The following FARS2 variants were observed in gnomAD, a reference collection of about 807,000 sequenced individuals.
FARS2 encodes the protein phenylalanyl-tRNA synthetase 2, mitochondrial.
FARS2 carries 40 observed loss-of-function variants against 46.4 expected under a neutral mutation model. The ratio of observed to expected loss-of-function variants is 0.86; its 90% confidence interval spans 0.67 to 1.12. The LOEUF (loss-of-function observed/expected upper bound fraction) is 1.12, where lower values mean the gene tolerates loss of function less well. FARS2 is among the 50% of genes most tolerant of loss of function. The pLI, the probability that FARS2 is intolerant of heterozygous loss-of-function variation, is 0.00. For missense variants in FARS2, 513 were observed against 567.9 expected (o/e 0.90, Z 0.98); for synonymous variants, 234 against 214.9 (o/e 1.09, Z -0.78).
chr6:5,288,986 G>C (rs141405077), intron 1 of FARS2, among the ~76,000 whole-genome samples: 1 of 152,120 alleles, frequency 6.6e-6, no homozygotes, highest in Non-Finnish European at 1.5e-5. Flanking sequence ...CTCAACATTA[G>C]AATCATTAAG....
chr6:5,498,127 T>C (rs1561664528), intron 4 of FARS2, among the ~76,000 whole-genome samples: 2 of 152,212 alleles, frequency 1.3e-5, no homozygotes, highest in Admixed American at 6.5e-5. Flanking sequence ...TTGATGTTAC[T>C]TGTGGTTTCA....
chr6:5,728,857 A>G (rs1453180111), intron 6 of FARS2, among the ~76,000 whole-genome samples: 2 of 152,132 alleles, frequency 1.3e-5, no homozygotes, highest in Non-Finnish European at 2.9e-5. Flanking sequence ...CGGCAACCCT[A>G]CGTTGCAGGG....
At chr6:5,746,556 G>C (rs1467915311) in intron 6 of FARS2, among the ~76,000 whole-genome samples, 1 of 151,784 alleles carries the variant, frequency 6.6e-6, no homozygotes, top group Non-Finnish European at 1.5e-5. Flanking sequence ...TCCTTGGGCC[G>C]AGGGCTTCAG....
chr6:5,663,173 C>T (rs111457765), intron 6 of FARS2, among the ~76,000 whole-genome samples: 5,584 of 152,236 alleles, frequency 0.037, 209 homozygotes, highest in African/African-American at 0.097. Context: ...TGAATGTTTA[C>T]ATTCTCATTT....
intron 4 of FARS2, among the ~76,000 whole-genome samples, chr6:5,496,390 A>G (rs1561663271): frequency 1.3e-5 from 2 of 152,188 alleles, no homozygotes; most frequent in African/African-American, 2.4e-5. Flanking sequence ...AGCTTTGGGA[A>G]ATTAGTGAAT....
intron 1 of FARS2, among the ~76,000 whole-genome samples, chr6:5,278,535 A>G (rs73718031): frequency 5.5e-4 from 84 of 152,316 alleles, no homozygotes; most frequent in African/African-American, 1.7e-3. Flanking sequence ...AAGAAGCCTT[A>G]TTTTTATTAG....
At chr6:5,405,477 G>GTTTTTTTTTTTTTTTT (rs1554181324) in intron 3 of FARS2, among the ~76,000 whole-genome samples, 1 of 93,166 alleles carries the variant, frequency 1.1e-5, no homozygotes, top group Non-Finnish European at 2.2e-5. Context: ...GTGGAGCAAG[G>GTTTTTTTTTTTTTTTT]TTCTTTTTTT....
chr6:5,322,641 T>C (rs1375464575), intron 1 of FARS2, among the ~76,000 whole-genome samples: 7 of 152,212 alleles, frequency 4.6e-5, no homozygotes, highest in Non-Finnish European at 1.0e-4. Flanking sequence ...GCTCATCTTC[T>C]TGAGTGGGAC....
intron 1 of FARS2, among the ~76,000 whole-genome samples, chr6:5,266,796 A>G (rs1354279642): frequency 6.6e-6 from 1 of 152,170 alleles, no homozygotes; most frequent in Non-Finnish European, 1.5e-5. Context: ...GGGAATCTCA[A>G]ATGTTGATTT....
intron 2 of FARS2, among the ~76,000 whole-genome samples, chr6:5,394,959 CCT>C (rs1327388207): frequency 2.0e-5 from 3 of 151,996 alleles, no homozygotes; most frequent in African/African-American, 7.2e-5. Flanking sequence ...ACCTTGTAGG[CCT>C]CTCTCTTTTT....
intron 5 of FARS2, among the ~76,000 whole-genome samples, chr6:5,605,853 G>T (rs180860229): frequency 1.2e-3 from 178 of 152,232 alleles, no homozygotes; most frequent in Non-Finnish European, 1.9e-3. Context: ...CAGAAATGAA[G>T]GGTAAGTAGA....
At chr6:5,622,514 T>A (rs535302162) in intron 6 of FARS2, among the ~76,000 whole-genome samples, 4 of 152,192 alleles carry the variant, frequency 2.6e-5, no homozygotes, top group South Asian at 2.1e-4. Context: ...TGGGAAATGA[T>A]TAAGTCATGA....
At chr6:5,709,660 T>A (rs1758985644) in intron 6 of FARS2, among the ~76,000 whole-genome samples, 2 of 147,820 alleles carry the variant, frequency 1.4e-5, no homozygotes, top group Admixed American at 6.8e-5. Context: ...CCCCTGTTGA[T>A]GTTCCAAGAG....
intron 4 of FARS2, among the ~76,000 whole-genome samples, chr6:5,475,180 C>G (rs780395575): frequency 6.6e-6 from 1 of 152,168 alleles, no homozygotes; most frequent in Admixed American, 6.5e-5. Flanking sequence ...TGGCATCTGA[C>G]TTAGTCTTTG....
chr6:5,540,557 G>A (rs1201838720), intron 4 of FARS2, among the ~76,000 whole-genome samples: 3 of 152,312 alleles, frequency 2.0e-5, no homozygotes, highest in East Asian at 1.9e-4. Context: ...GCTTTGTGCT[G>A]TGAGAGTGAC....
intron 6 of FARS2, among the ~76,000 whole-genome samples, chr6:5,655,698 G>A (rs550745906): frequency 1.3e-5 from 2 of 152,106 alleles, no homozygotes; most frequent in East Asian, 3.9e-4. Flanking sequence ...TCCCCATTTC[G>A]TGATTCTTAA....
chr6:5,321,208 A>G (rs749839019), intron 1 of FARS2, among the ~76,000 whole-genome samples: 10 of 152,212 alleles, frequency 6.6e-5, no homozygotes, highest in Non-Finnish European at 1.0e-4. Context: ...TGATGTCACT[A>G]TGTACCTTCC....
intron 4 of FARS2, among the ~76,000 whole-genome samples, chr6:5,540,489 C>T (rs1023943413): frequency 6.6e-6 from 1 of 152,136 alleles, no homozygotes; most frequent in Admixed American, 6.5e-5. Context: ...CTTTTCAGAA[C>T]ACCAGCCCTT....
intron 2 of FARS2, among the ~76,000 whole-genome samples, chr6:5,390,622 A>G (rs1435180276): frequency 2.0e-5 from 3 of 152,212 alleles, no homozygotes; most frequent in Non-Finnish European, 4.4e-5. Context: ...TACAGTGTAT[A>G]TAAGGAACAT....
Sources: allele counts gnomAD v4.1 joint callset (sites outside exome capture counted in the v4.1 genomes callset), GRCh38; gene constraint gnomAD v4.1.1; transcripts MANE v1.5; gene names NCBI Gene and HGNC (gene_info 2026-07-23, HGNC 2026-07-21).